Variants in HLTF observed in about 807,000 individuals in gnomAD.
HLTF encodes the protein helicase like transcription factor.
HLTF carries 127 observed loss-of-function variants against 129.4 expected under a neutral mutation model. The ratio of observed to expected loss-of-function variants is 0.98; its 90% CI spans 0.85 to 1.14. HLTF has a LOEUF of 1.14. Ranked by LOEUF, HLTF falls within the 50% of genes most tolerant of loss-of-function variation. HLTF has a pLI of 0.00. For synonymous variants in HLTF, 332 were observed against 388.8 expected (o/e 0.85, Z 1.72); for missense variants, 1,139 against 1,187.1 (o/e 0.96, Z 0.60).
intron 21 of HLTF, 87 bp from the exon 22 acceptor site, chr3:149,039,780 GA>G: frequency 1.3e-6 from 1 of 748,254 alleles, no homozygotes; most frequent in East Asian, 2.9e-5. Flanking sequence ...AAAAGGTCCT[GA>G]AATGTTATTT....
intron 18 of HLTF, among the ~76,000 whole-genome samples, chr3:149,044,809 C>A (rs1281143704): frequency 1.3e-5 from 2 of 152,100 alleles, no homozygotes; most frequent in Non-Finnish European, 2.9e-5. Context: ...CCAGCAAGTT[C>A]TGTTGGTTCT....
intron 15 of HLTF, among the ~76,000 whole-genome samples, chr3:149,050,003 GA>G (rs1716851509): frequency 6.6e-6 from 1 of 151,446 alleles, no homozygotes; most frequent in Non-Finnish European, 1.5e-5. Context: ...GAGGGAGGGG[GA>G]GGGGAGGAGT....
chr3:149,043,655 T>C (rs758118066), intron 18 of HLTF, among the ~76,000 whole-genome samples: 1 of 151,556 alleles, frequency 6.6e-6, no homozygotes, highest in Admixed American at 6.6e-5. Context: ...GATCCAAAAA[T>C]TATATAACCA....
At chr3:149,079,373 TAAAAAAAAAAAAAAAAAAAAAAA>T (rs71135659) in intron 2 of HLTF, among the ~76,000 whole-genome samples, 24 of 57,238 alleles carry the variant, frequency 4.2e-4, no homozygotes, top group Middle Eastern at 0.016. Context: ...CGACAGTTTC[TAAAAAAAAAAAAAAAAAAAAAAA>T]AAAAAAAAAA....
intron 2 of HLTF, among the ~76,000 whole-genome samples, chr3:149,079,827 G>A (rs891557956): frequency 1.3e-5 from 2 of 152,176 alleles, no homozygotes; most frequent in Admixed American, 6.5e-5. Context: ...TCCTAACCTC[G>A]TGATCCACTC....
At chr3:149,032,866 G>C (rs1007808343) in intron 24 of HLTF, among the ~76,000 whole-genome samples, 5 of 151,684 alleles carry the variant, frequency 3.3e-5, no homozygotes, top group African/African-American at 1.2e-4. Flanking sequence ...GGGAGGCTGA[G>C]GCAGGAGAAT....
At position 149,050,343 on chromosome 3, in the gene HLTF, T is replaced by C. The variant is rs16861365; in HGVS notation, c.1506A>G (p.Val502=). The C allele has an allele frequency of 5.3e-3, 8,398 of 1,592,200 alleles. 393 individuals carry two copies. The African/African-American group carries it at 0.097, about 18-fold the overall frequency. ...CATAATAAACATAAAAATTCAAGTG[T>C]ACATCTGATTTTATATGTTGTCCAA... ...DQFGQHIKSD[V]HLNFYVYYGP... The change falls in exon 15 of 25, where the codon GTA becomes GTG. Residue 502 remains valine (V), a synonymous_variant. Coordinates refer to ENST00000310053, the MANE Select transcript of HLTF (RefSeq NM_003071.4).
intron 4 of HLTF, 40 bp downstream of exon 4, chr3:149,074,175 T>TA (rs1719129455): frequency 1.9e-6 from 3 of 1,572,100 alleles, no homozygotes; most frequent in African/African-American, 2.7e-5. Flanking sequence ...CCCTGCATCT[T>TA]ACAATATCAG....
Position 149,032,223 on chromosome 3 carries a change from TA to T in HLTF, c.3026del (p.Leu1009TyrfsTer26). 1 of 1,575,526 alleles carries T rather than the reference TA, an allele frequency of 6.3e-7. No individual in the cohort carries two copies. The highest frequency in any genetic ancestry group is 1.4e-5 in the African/African-American group (1 of 72,322). On this transcript the variant is annotated frameshift_variant, in exon 25 of 25. Transcript: ENST00000310053. LOFTEE classifies it high-confidence loss of function. ...KINEIRTLID[L>X] The stretch of plus-strand genomic sequence containing the variant: ...GACCTTACTAAAATCCCACAAATTA[TA>T]AGTCAATTAATGTTCTGATTTCATT...
intron 8 of HLTF, among the ~76,000 whole-genome samples, chr3:149,067,163 T>G (rs1039046212): frequency 1.3e-5 from 2 of 151,294 alleles, no homozygotes; most frequent in Non-Finnish European, 2.9e-5. Context: ...AAATGTATGT[T>G]TATATTATAT....
intron 23 of HLTF, among the ~76,000 whole-genome samples, chr3:149,036,008 G>A (rs1381527808): frequency 2.0e-5 from 3 of 151,396 alleles, no homozygotes; most frequent in Non-Finnish European, 4.4e-5. Flanking sequence ...GGTGGCAGGC[G>A]CCTGTAGTCC....
Position 149,046,202 on chromosome 3 carries a change from A to C in HLTF, c.1950T>G (p.Ile650Met), listed in dbSNP as rs1716538383. The C allele has an allele frequency of 6.2e-7, 1 of 1,606,580 alleles. No individual in the cohort carries two copies. The highest frequency in any genetic ancestry group is 8.5e-7 in the Non-Finnish European group (1 of 1,174,358). Reference sequence around the variant, plus strand: ...GTAACTCCAAAACAGGTTTTCCTTTAATTTTGCTTGTCTTTGTTCTTCTAA... The same window carrying C: ...GTAACTCCAAAACAGGTTTTCCTTTCATTTTGCTTGTCTTTGTTCTTCTAA... ...ITLRRTKTSKIKGKPVLELPE... is the reference protein window; with the variant it reads ...ITLRRTKTSKMKGKPVLELPE... The change falls in exon 18 of 25, where the codon ATT (isoleucine) becomes ATG (methionine). Residue 650 changes from isoleucine (I) to methionine (M), a missense_variant. Transcript: ENST00000310053.
At position 149,075,937 on chromosome 3, in the gene HLTF, T is replaced by C. The variant is rs1453971209; in HGVS notation, c.339A>G (p.Lys113=). Residue 113 remains lysine (K), a synonymous_variant, in exon 3 of 25, where the codon AAA becomes AAG. Coordinates refer to ENST00000310053, the MANE Select transcript of HLTF (RefSeq NM_003071.4). ...TATAGGCCAAAGCACCTGCAAGCTC[T>C]TTCTTTAAATGGCCAACTTGATTTC... ...VNGNQVGHLK[K]ELAGALAYIM... is the part of the protein sequence containing the mutation. 1 of 1,605,458 alleles carries C rather than the reference T, an allele frequency of 6.2e-7. No homozygotes were observed. Among genetic ancestry groups the C allele is most frequent in the South Asian group, 1.1e-5 (1 of 90,702 alleles).
intron 13 of HLTF, among the ~76,000 whole-genome samples, chr3:149,055,639 C>G (rs1481811098): frequency 2.0e-5 from 3 of 152,150 alleles, no homozygotes; most frequent in Non-Finnish European, 4.4e-5. Context: ...AGGAGGAAGT[C>G]TCTAATATTT....
intron 24 of HLTF, among the ~76,000 whole-genome samples, chr3:149,034,670 G>A (rs1308594562): frequency 6.6e-6 from 1 of 152,114 alleles, no homozygotes; most frequent in Admixed American, 6.5e-5. Context: ...ATATGTTGTA[G>A]AATAAAGTAT....
chr3:149,085,941 C>G (rs766365106), intron 1 of HLTF, among the ~76,000 whole-genome samples: 6 of 152,160 alleles, frequency 3.9e-5, no homozygotes, highest in East Asian at 3.9e-4. Context: ...TCTGTGCATA[C>G]AGATAAGCTG....
intron 14 of HLTF, among the ~76,000 whole-genome samples, chr3:149,051,235 TAAAAAAAAA>T (rs35317937): frequency 7.1e-6 from 1 of 140,212 alleles, no homozygotes; most frequent in Admixed American, 7.1e-5. Flanking sequence ...TAAGGAAGTT[TAAAAAAAAA>T]AAAAAAGAAG....
rs1218339958 is a variant in HLTF, at chr3:149,030,298, T to TATATATTTATCCTTCTTAG, written c.*1903_*1921dup. On this transcript the variant is annotated 3_prime_UTR_variant, in exon 25 of 25. Transcript: ENST00000310053. ...GAAGTTTTCATTCCAGTGGCTTTTT[T>TATATATTTATCCTTCTTAG]ATATATTTATCCTTCTTAGGAAGGA... 6.6e-6 allele frequency: 1 copy of TATATATTTATCCTTCTTAG among 152,188 alleles called. No homozygotes were observed. Among genetic ancestry groups the TATATATTTATCCTTCTTAG allele is most frequent in the Non-Finnish European group, 1.5e-5 (1 of 68,032 alleles). 9.4% of individuals were successfully genotyped at this position (152,188 alleles called of 1,614,324 possible).
rs1210631757 is a variant in HLTF at position 149,074,375 on chromosome 3, G to A, written c.396-27C>T. The A allele has an allele frequency of 4.4e-6, 7 of 1,575,304 alleles. 1 individual carries two copies. Among genetic ancestry groups the A allele is most frequent in the Middle Eastern group, 3.4e-4 (2 of 5,872 alleles). ...TATTATATTTGGGAGAAAAAGAAAGGGAAATCAGAAGCATTACTTTTTATC... is the reference window on the plus strand; with the variant it reads ...TATTATATTTGGGAGAAAAAGAAAGAGAAATCAGAAGCATTACTTTTTATC... On this transcript the variant is annotated intron_variant, in intron 3 of 24. Coordinates refer to ENST00000310053, the MANE Select transcript of HLTF (RefSeq NM_003071.4).
Sources: allele counts gnomAD v4.1 joint callset (sites outside exome capture counted in the v4.1 genomes callset), GRCh38; gene constraint gnomAD v4.1.1; transcripts MANE v1.5; gene names NCBI Gene and HGNC (gene_info 2026-07-23, HGNC 2026-07-21).